The following BCAS4 variants were observed in gnomAD, a reference collection of about 807,000 sequenced individuals.
The protein encoded by BCAS4 is breast carcinoma-amplified sequence 4.
A neutral mutation model predicts 15.7 loss-of-function variants in BCAS4; 9 were observed. The ratio of observed to expected loss-of-function variants is 0.57; its 90% CI spans 0.34 to 1.00. The LOEUF is 1.00. Among genes scored for constraint, BCAS4 ranks in the 50% least tolerant of loss-of-function variants. The pLI, the probability that BCAS4 is intolerant of heterozygous loss-of-function variation, is 0.02. For synonymous variants in BCAS4, 101 were observed against 99.5 expected, an observed-to-expected ratio of 1.02 and a Z score of -0.09; for missense variants, 225 against 239.1, an observed-to-expected ratio of 0.94 and a Z score of 0.39.
chr20:50,833,449 G>A (rs1308677727), intron 3 of BCAS4, among the ~76,000 whole-genome samples: 1 of 152,198 alleles, frequency 6.6e-6, no homozygotes, highest in Non-Finnish European at 1.5e-5. Context: ...GGGCTGTTCT[G>A]GGCATTGTAA....
rs35171200 is a variant in BCAS4 at position 50,837,999 on chromosome 20, TACACACAC to T, written c.265-3751_265-3744del. On this transcript the variant is annotated intron_variant, in intron 3 of 4. Transcript: ENST00000371608. ...ACACACACACGCACACATCTGCACA[TACACACAC>T]ACACACACACACACATGACGTGGCT... is the stretch of plus-strand genomic sequence containing the variant. 5.6e-5 allele frequency among the ~76,000 whole-genome samples: 8 copies of T among 143,784 alleles called. No homozygotes were observed. In the East Asian group the frequency reaches 1.1e-3, roughly 21 times the overall value. The allele number at this position is 143,784 out of a possible 152,430, so 94.3% of individuals were successfully genotyped here. A position where few individuals can be genotyped will look rare whatever the true frequency, so the allele number is the denominator to read the frequency against.
intron 1 of BCAS4, among the ~76,000 whole-genome samples, chr20:50,812,379 C>CT (rs2088079229): frequency 1.3e-5 from 2 of 151,752 alleles, no homozygotes; most frequent in Non-Finnish European, 2.9e-5. Flanking sequence ...GTGATCCGCC[C>CT]CCCCTTGGCC....
chr20:50,863,392 G>A (rs1979193081), intron 4 of BCAS4, among the ~76,000 whole-genome samples: 1 of 151,160 alleles, frequency 6.6e-6, no homozygotes, highest in Non-Finnish European at 1.5e-5. Flanking sequence ...CCAGTAGCTG[G>A]GATTACAGGT....
At chr20:50,869,127 AG>A (rs1410655517) in intron 4 of BCAS4, among the ~76,000 whole-genome samples, 2 of 152,262 alleles carry the variant, frequency 1.3e-5, no homozygotes, top group African/African-American at 4.8e-5. Context: ...GAGGAGGATG[AG>A]AAACCCTGCC....
chr20:50,795,285 G>A, intron 1 of BCAS4, 112 bp downstream of exon 1: 1 of 1,014,840 alleles, frequency 9.9e-7, no homozygotes, highest in Non-Finnish European at 1.3e-6. Flanking sequence ...GGGGGGCCCG[G>A]GGATTCCCCC....
intron 2 of BCAS4, among the ~76,000 whole-genome samples, chr20:50,820,193 T>C (rs1206235472): frequency 6.6e-6 from 1 of 152,204 alleles, no homozygotes; most frequent in Non-Finnish European, 1.5e-5. Context: ...AACTTGAGTA[T>C]GCAAAGAGAG....
At chr20:50,866,082 C>T (rs1979344331) in intron 4 of BCAS4, among the ~76,000 whole-genome samples, 1 of 152,146 alleles carries the variant, frequency 6.6e-6, no homozygotes, top group African/African-American at 2.4e-5. Flanking sequence ...AGCCTTTGAC[C>T]AGCTGGGACC....
At chr20:50,840,902 T>A in intron 3 of BCAS4, 1 of 648,886 alleles carries the variant, frequency 1.5e-6, no homozygotes, top group Non-Finnish European at 2.8e-6. Flanking sequence ...CGATCTCAGC[T>A]CACTGCAACC....
chr20:50,807,118 T>C (rs1304418772), intron 1 of BCAS4, among the ~76,000 whole-genome samples: 1 of 152,048 alleles, frequency 6.6e-6, no homozygotes, highest in South Asian at 2.1e-4. Context: ...GTGATCTGCC[T>C]GCCTCGGCCT....
chr20:50,848,012 C>T (rs1438476101), intron 4 of BCAS4, among the ~76,000 whole-genome samples: 1 of 152,062 alleles, frequency 6.6e-6, no homozygotes, highest in Non-Finnish European at 1.5e-5. Context: ...GCTCTCCATC[C>T]TGGGAAACAG....
At chr20:50,860,893 A>G (rs542156077) in intron 4 of BCAS4, among the ~76,000 whole-genome samples, 11 of 151,852 alleles carry the variant, frequency 7.2e-5, no homozygotes, top group African/African-American at 2.4e-4. Flanking sequence ...ATAAAAGAAA[A>G]AGACAAAGAG....
chr20:50,836,853 G>A (rs2088416184), intron 3 of BCAS4, among the ~76,000 whole-genome samples: 2 of 152,178 alleles, frequency 1.3e-5, no homozygotes, highest in South Asian at 4.1e-4. Context: ...GACTACAGGT[G>A]TGTGCCACCA....
At chr20:50,806,493 T>C (rs2087990880) in intron 1 of BCAS4, among the ~76,000 whole-genome samples, 1 of 152,200 alleles carries the variant, frequency 6.6e-6, no homozygotes. Context: ...TGCCATTTCA[T>C]AGGGTTCATG....
At chr20:50,796,452 C>CATATAT (rs1245993218) in intron 1 of BCAS4, among the ~76,000 whole-genome samples, 266 of 21,126 alleles carry the variant, frequency 0.013, 9 homozygotes, top group South Asian at 0.028. Context: ...TCTTTTTCTC[C>CATATAT]ATATATATAT....
At chr20:50,861,606 C>T (rs902579685) in intron 4 of BCAS4, among the ~76,000 whole-genome samples, 4 of 152,106 alleles carry the variant, frequency 2.6e-5, no homozygotes, top group African/African-American at 7.2e-5. Context: ...TTTGTGTGTC[C>T]ATGCCAGGGG....
intron 4 of BCAS4, among the ~76,000 whole-genome samples, chr20:50,852,131 C>T (rs540320589): frequency 3.8e-4 from 58 of 152,192 alleles, no homozygotes; most frequent in Middle Eastern, 3.2e-3. Context: ...GTGAGGAAAC[C>T]GAGGATCAGA....
intron 4 of BCAS4, among the ~76,000 whole-genome samples, chr20:50,869,541 A>C (rs1484793103): frequency 6.6e-6 from 1 of 152,110 alleles, no homozygotes; most frequent in Non-Finnish European, 1.5e-5. Flanking sequence ...AGAACAGCCA[A>C]CCACATAAAA....
At chr20:50,818,303 C>T (rs768252686) in intron 2 of BCAS4, 21 bp downstream of exon 2, 3 of 1,609,110 alleles carry the variant, frequency 1.9e-6, no homozygotes, top group Middle Eastern at 1.7e-4. Context: ...GCCTGGAAGG[C>T]GTGGGTTTAG....
At chr20:50,823,348 A>C (rs911706205) in intron 2 of BCAS4, among the ~76,000 whole-genome samples, 9 of 147,536 alleles carry the variant, frequency 6.1e-5, no homozygotes, top group East Asian at 5.9e-4. Flanking sequence ...CCCCCGGCCC[A>C]AAAAAAAAAG....
Sources: gnomAD v4.1 joint callset for allele counts (sites outside exome capture counted in the v4.1 genomes callset) on GRCh38, gnomAD v4.1.1 for gene constraint, MANE v1.5 for transcripts, NCBI Gene and HGNC (gene_info 2026-07-23, HGNC 2026-07-21) for gene names.